SEMA3E: variants seen among roughly 807,000 people sequenced by gnomAD.
SEMA3E encodes the protein semaphorin 3E.
A neutral mutation model predicts 93.6 loss-of-function variants in SEMA3E; 49 were observed. That is an observed-to-expected ratio of 0.52 (90% CI 0.42 to 0.66). SEMA3E has a LOEUF of 0.66. SEMA3E is among the 30% of genes least tolerant of loss of function. The pLI is 0.00. For synonymous variants in SEMA3E, 363 were observed against 330.7 expected, an observed-to-expected ratio of 1.10 and a Z score of -1.06; for missense variants, 906 against 964.8, an observed-to-expected ratio of 0.94 and a Z score of 0.81.
chr7:83,613,126 T>G (rs957636280), intron 1 of SEMA3E, among the ~76,000 whole-genome samples: 2 of 152,046 alleles, frequency 1.3e-5, no homozygotes, highest in African/African-American at 4.8e-5. Flanking sequence ...TAGTAGATAT[T>G]TTATGAAAAT....
chr7:83,493,644 C>G (rs73707860), intron 1 of SEMA3E, among the ~76,000 whole-genome samples: 5,264 of 151,964 alleles, frequency 0.035, 111 homozygotes, highest in African/African-American at 0.053. Flanking sequence ...ACTCTCTACC[C>G]TGACCAATGC....
At chr7:83,434,688 T>TA (rs1788964022) in intron 4 of SEMA3E, among the ~76,000 whole-genome samples, 1 of 151,574 alleles carries the variant, frequency 6.6e-6, no homozygotes, top group African/African-American at 2.4e-5. Context: ...AGGATAGATT[T>TA]ATTTATCCTC....
intron 1 of SEMA3E, among the ~76,000 whole-genome samples, chr7:83,604,758 AT>A (rs1793075693): frequency 1.3e-5 from 2 of 151,916 alleles, no homozygotes; most frequent in South Asian, 2.1e-4. Flanking sequence ...TGCATTAATT[AT>A]TTGTAATGAT....
At chr7:83,560,472 A>C (rs1792008169) in intron 1 of SEMA3E, among the ~76,000 whole-genome samples, 1 of 152,082 alleles carries the variant, frequency 6.6e-6, no homozygotes, top group African/African-American at 2.4e-5. Flanking sequence ...AATGCTAATT[A>C]TTCTTATCCA....
At chr7:83,455,651 A>G (rs921560966) in intron 4 of SEMA3E, among the ~76,000 whole-genome samples, 2 of 152,232 alleles carry the variant, frequency 1.3e-5, no homozygotes, top group African/African-American at 4.8e-5. Context: ...TTATATGGCA[A>G]ACGTGATGGG....
At chr7:83,491,200 A>G (rs1790375192) in intron 1 of SEMA3E, among the ~76,000 whole-genome samples, 1 of 152,100 alleles carries the variant, frequency 6.6e-6, no homozygotes, top group Admixed American at 6.6e-5. Flanking sequence ...AAAGTAGGAC[A>G]AATCTACAGC....
At chr7:83,491,837 AG>A (rs1226699602) in intron 1 of SEMA3E, among the ~76,000 whole-genome samples, 4 of 152,110 alleles carry the variant, frequency 2.6e-5, no homozygotes, top group African/African-American at 7.2e-5. Context: ...GAAAAATTAG[AG>A]GTTCTTGAAT....
Position 83,394,342 on chromosome 7 carries a change from A to C in SEMA3E, c.1459-4T>G. On this transcript the variant is annotated splice_region_variant and splice_polypyrimidine_tract_variant and intron_variant, in intron 12 of 16. Coordinates refer to ENST00000643230, the MANE Select transcript of SEMA3E (RefSeq NM_012431.3). ...TAGAAATAATAGGAACTGGATCCTG[A>C]AATTTTAAAAAAGTTTTCATTTTTA... The C allele has an allele frequency of 6.2e-7, 1 of 1,612,244 alleles. No individual in the cohort carries two copies. Among genetic ancestry groups the C allele is most frequent in the Non-Finnish European group, 8.5e-7 (1 of 1,179,138 alleles).
rs376916544 is a variant in SEMA3E, at chr7:83,447,584, G to A, written c.456+18898C>T. Among the ~76,000 whole-genome samples, 3 of 152,304 alleles carry A rather than the reference G, an allele frequency of 2.0e-5. No homozygotes were observed. In the South Asian group the frequency reaches 6.2e-4, roughly 32 times the overall value. Reference sequence around the variant, plus strand: ...CTATGCAACATTTTTCATCTTAGAAGAAGGAAGGTTATCGCTGGAGAAAAG... The same window carrying A: ...CTATGCAACATTTTTCATCTTAGAAAAAGGAAGGTTATCGCTGGAGAAAAG... On this transcript the variant is annotated intron_variant, in intron 4 of 16. Coordinates refer to ENST00000643230, the MANE Select transcript of SEMA3E (RefSeq NM_012431.3).
chr7:83,540,283 T>C (rs944554365), intron 1 of SEMA3E, among the ~76,000 whole-genome samples: 3 of 152,204 alleles, frequency 2.0e-5, no homozygotes, highest in African/African-American at 7.2e-5. Flanking sequence ...AGATCAGAAA[T>C]AGCCAGTAGG....
At chr7:83,599,088 T>C (rs897090431) in intron 1 of SEMA3E, among the ~76,000 whole-genome samples, 1 of 152,200 alleles carries the variant, frequency 6.6e-6, no homozygotes, top group African/African-American at 2.4e-5. Context: ...GTAAGAACTC[T>C]CATTTTTAAG....
chr7:83,641,473 A>G, intron 1 of SEMA3E: 1 of 692,398 alleles, frequency 1.4e-6, no homozygotes, highest in South Asian at 6.5e-5. Flanking sequence ...TATTAGTTCT[A>G]TTGTGCGTTA....
At chr7:83,413,747 G>T (rs1421716022) in intron 5 of SEMA3E, among the ~76,000 whole-genome samples, 1 of 152,078 alleles carries the variant, frequency 6.6e-6, no homozygotes, top group Non-Finnish European at 1.5e-5. Flanking sequence ...TGTTAAGAAG[G>T]TGGTTTTGAG....
intron 1 of SEMA3E, among the ~76,000 whole-genome samples, chr7:83,614,333 A>C (rs1554344523): frequency 6.6e-6 from 1 of 152,138 alleles, no homozygotes; most frequent in Non-Finnish European, 1.5e-5. Flanking sequence ...CCGTTCAAAT[A>C]TAACAGATGC....
chr7:83,368,762 TATAA>T (rs1296043306), intron 16 of SEMA3E, among the ~76,000 whole-genome samples: 3 of 152,234 alleles, frequency 2.0e-5, no homozygotes, highest in African/African-American at 4.8e-5. Context: ...ACATTATTTC[TATAA>T]ATAAATAATT....
rs141588030 is a variant in SEMA3E, at chr7:83,465,382, G to A, written c.456+1100C>T. On this transcript the variant is annotated intron_variant, in intron 4 of 16. Transcript: ENST00000643230. Reference sequence around the variant, plus strand: ...GTGGTCTCTTCACACGGATGCACATGAAACTAATGATAAAATCTCCCTATA... The same window carrying A: ...GTGGTCTCTTCACACGGATGCACATAAAACTAATGATAAAATCTCCCTATA... Among the ~76,000 whole-genome samples, 3 of 152,234 alleles carry A rather than the reference G, an allele frequency of 2.0e-5. No individual in the cohort carries two copies. In the East Asian group the frequency reaches 5.8e-4, roughly 29 times the overall value.
In SEMA3E at chr7:83,396,729, T is replaced by C. The variant is rs1788130735; in HGVS notation, c.1367A>G (p.Asp456Gly). Residue 456 changes from aspartate to glycine, a missense_variant and splice_region_variant, in exon 12 of 17, where the codon GAT (aspartate) becomes GGT (glycine). Physicochemically the swap from Asp to Gly is moderately conservative, Grantham distance 94. Transcript: ENST00000643230. Reference sequence around the variant, plus strand: ...GATTACTTTCAGCACAATTCCATTATCTGTAAGAAAACAAAACAAGAAATA... The same window carrying C: ...GATTACTTTCAGCACAATTCCATTACCTGTAAGAAAACAAAACAAGAAATA... ...GQYDVLFIGT[D>G]NGIVLKVITI... 6.3e-7 allele frequency: 1 copy of C among 1,586,180 alleles called. No homozygotes were observed. The highest frequency in any genetic ancestry group is 1.7e-5 in the Admixed American group (1 of 59,734).
At chr7:83,441,103 T>C (rs1554325955) in intron 4 of SEMA3E, among the ~76,000 whole-genome samples, 1 of 152,116 alleles carries the variant, frequency 6.6e-6, no homozygotes, top group Non-Finnish European at 1.5e-5. Context: ...AGGAAGTTAG[T>C]GATAGCAGTC....
chr7:83,447,756 A>G (rs781574972), intron 4 of SEMA3E, among the ~76,000 whole-genome samples: 4 of 152,246 alleles, frequency 2.6e-5, no homozygotes, highest in Non-Finnish European at 5.9e-5. Flanking sequence ...ACGATAGGCC[A>G]GTAAACAAAG....
Sources: allele counts gnomAD v4.1 joint callset (sites outside exome capture counted in the v4.1 genomes callset), GRCh38; gene constraint gnomAD v4.1.1; transcripts MANE v1.5; gene names NCBI Gene and HGNC (gene_info 2026-07-23, HGNC 2026-07-21).